Variants in ADGRF1 observed in about 807,000 individuals in gnomAD.
ADGRF1 encodes the protein G protein-coupled receptor 110.
ADGRF1 carries 85 observed loss-of-function variants against 87.2 expected under a neutral mutation model. The observed-to-expected ratio is 0.97, with a 90% CI of 0.82 to 1.17. The LOEUF (loss-of-function observed/expected upper bound fraction) is 1.17, where lower values mean the gene tolerates loss of function less well. Among genes scored for constraint, ADGRF1 ranks in the 50% most tolerant of loss-of-function variants. ADGRF1 has a pLI of 0.00. For synonymous variants in ADGRF1, 430 were observed against 408.8 expected (o/e 1.05, Z -0.63); for missense variants, 1,169 against 1,077.2 (o/e 1.09, Z -1.19).
At chr6:47,036,229 C>T (rs1475995275) in intron 1 of ADGRF1, among the ~76,000 whole-genome samples, 1 of 152,068 alleles carries the variant, frequency 6.6e-6, no homozygotes, top group African/African-American at 2.4e-5. Flanking sequence ...GACCCTGTCT[C>T]AAAAACAGAA....
intron 1 of ADGRF1, among the ~76,000 whole-genome samples, chr6:47,036,857 A>T (rs1417186152): frequency 6.6e-6 from 1 of 152,164 alleles, no homozygotes; most frequent in African/African-American, 2.4e-5. Flanking sequence ...CTCAGAAACC[A>T]TCAAGATTCT....
At chr6:47,007,883 C>A (rs150388655) in intron 11 of ADGRF1, among the ~76,000 whole-genome samples, 1 of 152,244 alleles carries the variant, frequency 6.6e-6, no homozygotes, top group African/African-American at 2.4e-5. Context: ...AAGCTTGTCA[C>A]TGCTAGGGGC....
rs953199199 is a variant in ADGRF1, at chr6:46,998,028, G to T, written c.*2194C>A. 5 of 152,202 alleles carry T rather than the reference G, an allele frequency of 3.3e-5. No individual in the cohort carries two copies. Among genetic ancestry groups the T allele is most frequent in the African/African-American group, 1.2e-4 (5 of 41,444 alleles). The allele number at this position is 152,202 out of a possible 1,614,324, so 9.4% of individuals were successfully genotyped here. ...TTTCTTCCCTCTCCAACTGAGTCTT[G>T]TGTTGAGTTGCCTACTTGCGCTAGC... On this transcript the variant is annotated 3_prime_UTR_variant, in exon 15 of 15. Transcript: ENST00000371253.
At chr6:47,017,315 A>C (rs1363855834) in intron 7 of ADGRF1, 5 of 152,232 alleles carry the variant, frequency 3.3e-5, no homozygotes, top group Admixed American at 1.3e-4. Context: ...CTTCTTTATT[A>C]AAAGGTAGTG....
intron 7 of ADGRF1, 40 bp from the exon 8 acceptor site, chr6:47,016,808 T>C: frequency 6.5e-7 from 1 of 1,542,512 alleles, no homozygotes; most frequent in Admixed American, 1.8e-5. Flanking sequence ...GATTCACTAC[T>C]TATTTATTCA....
rs1181270536 is a variant in ADGRF1, at chr6:47,001,089, A to ACATGTG, written c.2659+406_2659+411dup. The stretch of plus-strand genomic sequence containing the variant: ...GCCCAGGGGCATTTTAGGGAGGAGG[A>ACATGTG]CATGTGCAACATCAGGGCACAAGCA... On this transcript the variant is annotated intron_variant, in intron 14 of 14. Coordinates refer to ENST00000371253, the MANE Select transcript of ADGRF1 (RefSeq NM_153840.4). 2.0e-5 allele frequency among the ~76,000 whole-genome samples: 3 copies of ACATGTG among 152,360 alleles called. No individual in the cohort carries two copies. In the South Asian group the frequency reaches 6.2e-4, roughly 32 times the overall value.
At chr6:47,041,045 C>G (rs1174059456) in intron 1 of ADGRF1, among the ~76,000 whole-genome samples, 1 of 152,238 alleles carries the variant, frequency 6.6e-6, no homozygotes, top group Non-Finnish European at 1.5e-5. Flanking sequence ...GCTTGTCAGA[C>G]TCCACAGGCA....
chr6:47,016,405 A>G (rs967536210), intron 8 of ADGRF1, among the ~76,000 whole-genome samples: 23 of 152,210 alleles, frequency 1.5e-4, no homozygotes, highest in African/African-American at 2.7e-4. Context: ...TAAGAGGTAC[A>G]GATCAGATTT....
chr6:47,016,593 C>T, intron 8 of ADGRF1, 24 bp downstream of exon 8: 40 of 1,571,826 alleles, frequency 2.5e-5, no homozygotes, highest in Non-Finnish European at 3.5e-5. Flanking sequence ...TTAACCTAAG[C>T]AGAGGATGGG....
chr6:47,026,007 AAGAG>A lies in ADGRF1; in HGVS notation c.128-8_128-5del. 3 of 1,558,078 alleles carry A rather than the reference AAGAG, an allele frequency of 1.9e-6. No individual in the cohort carries two copies. Among genetic ancestry groups the A allele is most frequent in the Non-Finnish European group, 2.6e-6 (3 of 1,151,196 alleles). Reference sequence around the variant, plus strand: ...AGCTGATATTCTTCGACTGGGCCTAAAGAGAGAAAGAGAGTCAGAAACCTTTTTT... The same window carrying A: ...AGCTGATATTCTTCGACTGGGCCTAAAGAAAGAGAGTCAGAAACCTTTTTT... On this transcript the variant is annotated splice_region_variant and splice_polypyrimidine_tract_variant and intron_variant, in intron 3 of 14. Coordinates refer to ENST00000371253, the MANE Select transcript of ADGRF1 (RefSeq NM_153840.4).
rs1297646600 is a variant in ADGRF1 at position 47,029,091 on chromosome 6, T to C, written c.-30A>G. ...CCTGGACTGAACAGCAGCAGTCGGG[T>C]GCATAGTCTGTGACTAAACAAGCAG... On this transcript the variant is annotated 5_prime_UTR_variant, in exon 2 of 15. Coordinates refer to ENST00000371253, the MANE Select transcript of ADGRF1 (RefSeq NM_153840.4). The C allele has an allele frequency of 1.3e-6, 2 of 1,587,948 alleles. No individual in the cohort carries two copies. Among genetic ancestry groups the C allele is most frequent in the Non-Finnish European group, 1.7e-6 (2 of 1,156,228 alleles).
chr6:47,015,641 T>A (rs1582157439), intron 8 of ADGRF1, among the ~76,000 whole-genome samples: 1 of 151,780 alleles, frequency 6.6e-6, no homozygotes, highest in Non-Finnish European at 1.5e-5. Flanking sequence ...AGGCTGGAGT[T>A]AAGTGGAGTG....
chr6:47,040,061 A>G (rs989265582), intron 1 of ADGRF1, among the ~76,000 whole-genome samples: 1 of 152,118 alleles, frequency 6.6e-6, no homozygotes, highest in African/African-American at 2.4e-5. Flanking sequence ...TGCGAGCACT[A>G]CTCTGCTAAG....
rs548738641 is a variant in ADGRF1 at position 47,040,280 on chromosome 6, G to A, written c.-44+1911C>T. Among the ~76,000 whole-genome samples the A allele has an allele frequency of 2.2e-4, 34 of 152,090 alleles. No homozygotes were observed. The South Asian group carries it at 6.6e-3, about 30-fold the overall frequency. ...GAGATCAGGAAATTGAGACCATCCT[G>A]GCCAACACAATGAAACCCTGTCTCT... On this transcript the variant is annotated intron_variant, in intron 1 of 14. Transcript: ENST00000371253.
chr6:47,033,527 G>C (rs1481882379), intron 1 of ADGRF1, among the ~76,000 whole-genome samples: 1 of 152,190 alleles, frequency 6.6e-6, no homozygotes, highest in Non-Finnish European at 1.5e-5. Context: ...AATATTTATG[G>C]GATTATGTTT....
intron 10 of ADGRF1, among the ~76,000 whole-genome samples, chr6:47,011,537 TTC>T (rs1779707286): frequency 6.6e-6 from 1 of 152,256 alleles, no homozygotes; most frequent in Non-Finnish European, 1.5e-5. Context: ...TAATTTATTT[TTC>T]TTTTTGCTTA....
chr6:47,024,085 A>G lies in ADGRF1; in HGVS notation c.410T>C (p.Leu137Pro). ...AGALPSCECH[L>P]NNLSQSVNFC... is the part of the protein sequence containing the mutation. Reference sequence around the variant, plus strand: ...ATTGACACTCTGGCTGAGGTTGTTGAGATGACATTCACAGCTTGGGAGTGC... The same window carrying G: ...ATTGACACTCTGGCTGAGGTTGTTGGGATGACATTCACAGCTTGGGAGTGC... Residue 137 changes from leucine (L) to proline (P), a missense_variant, in exon 5 of 15, where the codon CTC (leucine) becomes CCC (proline). Transcript: ENST00000371253. The G allele has an allele frequency of 1.2e-6, 2 of 1,614,116 alleles. No homozygotes were observed. Among genetic ancestry groups the G allele is most frequent in the Non-Finnish European group, 1.7e-6 (2 of 1,180,000 alleles).
chr6:47,011,432 T>A (rs534150120), intron 10 of ADGRF1, among the ~76,000 whole-genome samples: 7 of 152,360 alleles, frequency 4.6e-5, no homozygotes, highest in African/African-American at 1.4e-4. Context: ...AAATATTTAT[T>A]GAGCACACGC....
intron 1 of ADGRF1, among the ~76,000 whole-genome samples, chr6:47,033,725 T>C (rs1487077805): frequency 6.6e-6 from 1 of 152,284 alleles, no homozygotes; most frequent in African/African-American, 2.4e-5. Context: ...ATCTCTCATT[T>C]TATCAGTTTT....
Sources: allele counts gnomAD v4.1 joint callset (sites outside exome capture counted in the v4.1 genomes callset), GRCh38; gene constraint gnomAD v4.1.1; transcripts MANE v1.5; gene names NCBI Gene and HGNC (gene_info 2026-07-23, HGNC 2026-07-21).